Variants in C12orf42 observed in about 807,000 individuals in gnomAD.
C12orf42 encodes the protein chromosome 12 open reading frame 42.
A neutral mutation model predicts 21.6 loss-of-function variants in C12orf42; 25 were observed. The ratio of observed to expected loss-of-function variants is 1.16; its 90% CI spans 0.84 to 1.62. The LOEUF is 1.62. Among genes scored for constraint, C12orf42 ranks in the 40% most tolerant of loss-of-function variants. C12orf42 has a pLI of 0.00. For synonymous variants in C12orf42, 174 were observed against 175.0 expected (o/e 0.99, Z 0.05); for missense variants, 483 against 459.3 (o/e 1.05, Z -0.47).
the C12orf42 span, among the ~76,000 whole-genome samples, chr12:103,084,391 CTTT>C: frequency 6.6e-6 from 1 of 151,960 alleles, no homozygotes; most frequent in African/African-American, 2.4e-5. Context: ...TTATACACTA[CTTT>C]TTTTTAAATT....
intron 5 of C12orf42, among the ~76,000 whole-genome samples, chr12:103,276,284 A>T (rs1033954711): frequency 1.3e-5 from 2 of 152,160 alleles, no homozygotes; most frequent in Non-Finnish European, 2.9e-5. Flanking sequence ...TAATGAAAAA[A>T]CTTTTCACTC....
chr12:103,194,174 C>T, the C12orf42 span, among the ~76,000 whole-genome samples: 7 of 151,684 alleles, frequency 4.6e-5, no homozygotes, highest in Non-Finnish European at 1.0e-4. Context: ...AAACTTACCT[C>T]GACACATAAT....
intron 2 of C12orf42, among the ~76,000 whole-genome samples, chr12:103,438,856 C>A (rs1201964225): frequency 2.0e-5 from 3 of 150,768 alleles, no homozygotes; most frequent in Admixed American, 1.3e-4. Context: ...AGATTCAATG[C>A]CATCCCCATC....
chr12:103,442,344 G>T (rs1312253778), intron 2 of C12orf42, among the ~76,000 whole-genome samples: 5 of 152,176 alleles, frequency 3.3e-5, no homozygotes, highest in African/African-American at 1.2e-4. Flanking sequence ...ATCTTACGGG[G>T]ATGACAGTTC....
the C12orf42 span, among the ~76,000 whole-genome samples, chr12:103,502,057 G>A: frequency 8.9e-3 from 1,362 of 152,212 alleles, 18 homozygotes; most frequent in African/African-American, 0.031. Flanking sequence ...TAGCTGTTTT[G>A]TACTCACCTT....
chr12:103,285,635 AAC>A (rs1319965680), intron 4 of C12orf42, among the ~76,000 whole-genome samples: 1 of 152,250 alleles, frequency 6.6e-6, no homozygotes, highest in Non-Finnish European at 1.5e-5. Context: ...TCAGACTTCT[AAC>A]ACATCACTGG....
chr12:103,201,025 C>T, the C12orf42 span, among the ~76,000 whole-genome samples: 1 of 152,160 alleles, frequency 6.6e-6, no homozygotes, highest in Non-Finnish European at 1.5e-5. Flanking sequence ...TGTCAAGGTG[C>T]TTGAAGAAGT....
At chr12:103,300,913 AT>A (rs2037605735), downstream of C12orf42, among the ~76,000 whole-genome samples, 1 of 152,220 alleles carries the variant, frequency 6.6e-6, no homozygotes, top group Non-Finnish European at 1.5e-5. Context: ...AAGCATATTT[AT>A]TATTAAAAAA....
chr12:103,553,437 C>T, the C12orf42 span, among the ~76,000 whole-genome samples: 6 of 152,152 alleles, frequency 3.9e-5, no homozygotes, highest in Non-Finnish European at 8.8e-5. Flanking sequence ...CTGAGCAACA[C>T]AGTCTACAAG....
At chr12:103,066,319 G>A in the C12orf42 span, among the ~76,000 whole-genome samples, 4 of 152,120 alleles carry the variant, frequency 2.6e-5, no homozygotes, top group Non-Finnish European at 5.9e-5. Context: ...GACTGGGCTG[G>A]AGCAGGTCCT....
At chr12:103,151,178 C>A in the C12orf42 span, among the ~76,000 whole-genome samples, 24 of 152,114 alleles carry the variant, frequency 1.6e-4, no homozygotes, top group African/African-American at 5.6e-4. Context: ...CTGCCTGCCT[C>A]GGCCTCCCAA....
At chr12:103,546,707 G>A in the C12orf42 span, among the ~76,000 whole-genome samples, 25,403 of 152,148 alleles carry the variant, frequency 0.17, 2,233 homozygotes, top group East Asian at 0.27. Flanking sequence ...ACAGGGGTTA[G>A]GACATGCTGT....
At chr12:103,491,026 C>T (rs1955152191) in intron 1 of C12orf42, among the ~76,000 whole-genome samples, 1 of 152,050 alleles carries the variant, frequency 6.6e-6, no homozygotes. Flanking sequence ...ACTCTTAGTC[C>T]AGTCTGGCAA....
In C12orf42 at chr12:103,419,296, C is replaced by A. The variant is rs559930131; in HGVS notation, c.79-17621G>T. On this transcript the variant is annotated intron_variant, in intron 2 of 5. Transcript: ENST00000548883. Reference sequence around the variant, plus strand: ...TATTCTGAAGGCAATAAGGAGTCATCATGTTTTAAGCAAAGGTGTAAATTT... The same window carrying A: ...TATTCTGAAGGCAATAAGGAGTCATAATGTTTTAAGCAAAGGTGTAAATTT... Among the ~76,000 whole-genome samples the A allele has an allele frequency of 2.0e-5, 3 of 152,270 alleles. No homozygotes were observed. In the East Asian group the frequency reaches 5.8e-4, roughly 29 times the overall value.
At chr12:103,388,284 G>A (rs2046789385) in intron 3 of C12orf42, among the ~76,000 whole-genome samples, 1 of 152,086 alleles carries the variant, frequency 6.6e-6, no homozygotes, top group South Asian at 2.1e-4. Flanking sequence ...CATAGCTGAT[G>A]TAACAGGTCC....
intron 4 of C12orf42, among the ~76,000 whole-genome samples, chr12:103,357,719 T>C (rs1380877124): frequency 6.6e-6 from 1 of 152,126 alleles, no homozygotes; most frequent in African/African-American, 2.4e-5. Context: ...ACCCCTTTCA[T>C]TGGCCAGTTC....
At chr12:103,480,339 A>G (rs1954376590) in intron 1 of C12orf42, among the ~76,000 whole-genome samples, 1 of 151,710 alleles carries the variant, frequency 6.6e-6, no homozygotes, top group African/African-American at 2.4e-5. Flanking sequence ...TTTTCTATTG[A>G]CAAATATTGC....
At chr12:103,395,769 C>A (rs2047477019) in intron 3 of C12orf42, among the ~76,000 whole-genome samples, 1 of 151,766 alleles carries the variant, frequency 6.6e-6, no homozygotes, top group East Asian at 1.9e-4. Flanking sequence ...AATGGGACAT[C>A]CCACTGAATA....
intron 10 of C12orf42, among the ~76,000 whole-genome samples, chr12:103,258,315 T>C (rs999187987): frequency 6.6e-6 from 1 of 151,988 alleles, no homozygotes; most frequent in African/African-American, 2.4e-5. Context: ...TATCGTAAAC[T>C]GCCCTAAAAA....
Sources: allele counts gnomAD v4.1 joint callset (sites outside exome capture counted in the v4.1 genomes callset), GRCh38; gene constraint gnomAD v4.1.1; transcripts MANE v1.5; gene names NCBI Gene and HGNC (gene_info 2026-07-23, HGNC 2026-07-21).